Variants in ALLC observed in about 807,000 individuals in gnomAD.
ALLC encodes the protein allantoicase, also known as probable inactive allantoicase.
Under a neutral mutation model 45.0 loss-of-function variants are expected in ALLC, and 40 were observed. The observed-to-expected ratio is 0.89, with a 90% confidence interval of 0.69 to 1.16. The LOEUF (loss-of-function observed/expected upper bound fraction) is 1.16, where lower values mean the gene tolerates loss of function less well. Among genes scored for constraint, ALLC ranks in the 50% most tolerant of loss-of-function variants. The probability of loss-of-function intolerance (pLI) is 0.00; values close to 1 mark genes in which losing one functional copy is unlikely to be tolerated. For synonymous variants in ALLC, 176 were observed against 178.1 expected, an observed-to-expected ratio of 0.99 and a Z score of 0.09; for missense variants, 488 against 493.1, an observed-to-expected ratio of 0.99 and a Z score of 0.10.
At chr2:3,671,037 C>T (rs577140234) in intron 1 of ALLC, 59 bp from the exon 2 acceptor site, 19 of 963,698 alleles carry the variant, frequency 2.0e-5, no homozygotes, top group Admixed American at 1.0e-4. Flanking sequence ...GGAGCCTAGA[C>T]GGGGCCTCAC....
At chr2:3,664,552 T>A (rs1260823227) in intron 1 of ALLC, among the ~76,000 whole-genome samples, 1 of 152,024 alleles carries the variant, frequency 6.6e-6, no homozygotes, top group African/African-American at 2.4e-5. Flanking sequence ...CTATGGAGAA[T>A]TTTTCACCCC....
chr2:3,671,608 G>A (rs1240251275), intron 2 of ALLC, among the ~76,000 whole-genome samples: 5 of 128,694 alleles, frequency 3.9e-5, no homozygotes, highest in Non-Finnish European at 5.2e-5. Context: ...TAGATGGGAG[G>A]TCCTCTGGCT....
Position 3,687,565 on chromosome 2 carries a change from C to T in ALLC, c.511+4491C>T, listed in dbSNP as rs940791055. Reference sequence around the variant, plus strand: ...AATTCAGCAGGGAAGCCATTAGGTCCTGGAATTTTCTTTAATGGGAGACTT... The same window carrying T: ...AATTCAGCAGGGAAGCCATTAGGTCTTGGAATTTTCTTTAATGGGAGACTT... On this transcript the variant is annotated intron_variant, in intron 7 of 11. Coordinates refer to ENST00000252505, the MANE Select transcript of ALLC (RefSeq NM_018436.4). 6.6e-5 allele frequency among the ~76,000 whole-genome samples: 10 copies of T among 150,834 alleles called. 1 individual carries two copies. The highest frequency in any genetic ancestry group is 2.0e-4 in the Admixed American group (3 of 15,080).
the ALLC span, among the ~76,000 whole-genome samples, chr2:3,651,135 GAC>G: frequency 0.025 from 3,795 of 152,186 alleles, 167 homozygotes; most frequent in African/African-American, 0.087. Flanking sequence ...GATGAGCGCA[GAC>G]ACACAGCCTG....
chr2:3,694,156 G>T (rs1176385195), intron 7 of ALLC, among the ~76,000 whole-genome samples: 2 of 152,166 alleles, frequency 1.3e-5, no homozygotes, highest in Non-Finnish European at 2.9e-5. Flanking sequence ...TTGAGGGAGG[G>T]TCTAAAATAG....
chr2:3,680,484 C>G lies in ALLC; in HGVS notation c.298+490C>G, dbSNP rs1177056964. 6.6e-6 allele frequency among the ~76,000 whole-genome samples: 1 copy of G among 152,052 alleles called. No homozygotes were observed. The highest frequency in any genetic ancestry group is 1.5e-5 in the Non-Finnish European group (1 of 68,044). Reference sequence around the variant, plus strand: ...ATGCTGGACCTATGAATCCTGCAGGCTCTATAAATGAGACGTATTCTGTGA... The same window carrying G: ...ATGCTGGACCTATGAATCCTGCAGGGTCTATAAATGAGACGTATTCTGTGA... On this transcript the variant is annotated intron_variant, in intron 5 of 11. Coordinates refer to ENST00000252505, the MANE Select transcript of ALLC (RefSeq NM_018436.4). This position sits in a 1 kb window ranked among gnomAD's most constrained non-coding sequence, Gnocchi z 4.0.
intron 1 of ALLC, among the ~76,000 whole-genome samples, chr2:3,670,821 C>T (rs1349470829): frequency 1.4e-5 from 2 of 144,418 alleles, no homozygotes; most frequent in South Asian, 2.2e-4. Context: ...CATTTTGTGG[C>T]GATAGGGTTT....
intron 7 of ALLC, chr2:3,695,321 G>A (rs534688624): frequency 1.4e-4 from 31 of 222,446 alleles, no homozygotes; most frequent in Middle Eastern, 1.7e-3. Context: ...ACTGATTTTA[G>A]CAGGAACTTA....
At chr2:3,651,577 C>G in the ALLC span, among the ~76,000 whole-genome samples, 1 of 151,878 alleles carries the variant, frequency 6.6e-6, no homozygotes, top group African/African-American at 2.4e-5. Flanking sequence ...GTGGCACCCA[C>G]GTTGTGTCCC....
intron 3 of ALLC, among the ~76,000 whole-genome samples, chr2:3,678,099 A>G (rs1016716608): frequency 2.0e-5 from 3 of 152,166 alleles, no homozygotes; most frequent in African/African-American, 7.2e-5. Flanking sequence ...TTCCTGATTG[A>G]ATAGTCTACC....
At chr2:3,654,705 G>A (rs536525152), upstream of ALLC, among the ~76,000 whole-genome samples, 12 of 152,362 alleles carry the variant, frequency 7.9e-5, no homozygotes, top group Admixed American at 5.2e-4. Flanking sequence ...TGCAGGAAAC[G>A]TGACTGTCTT....
chr2:3,646,137 CCCT>C, the ALLC span, among the ~76,000 whole-genome samples: 2 of 152,170 alleles, frequency 1.3e-5, no homozygotes, highest in African/African-American at 4.8e-5. Flanking sequence ...GATGATGTCT[CCCT>C]CCAGGAAAGA....
At chr2:3,666,338 T>C (rs911169207) in intron 1 of ALLC, among the ~76,000 whole-genome samples, 1 of 152,208 alleles carries the variant, frequency 6.6e-6, no homozygotes, top group Non-Finnish European at 1.5e-5. Context: ...TGTAGTGACT[T>C]AGCGTATCAC....
intron 3 of ALLC, among the ~76,000 whole-genome samples, chr2:3,677,679 C>T (rs56047256): frequency 0.096 from 14,562 of 152,106 alleles, 845 homozygotes; most frequent in African/African-American, 0.15. Context: ...CCCTGGTTGG[C>T]GTCTCATGCA....
At chr2:3,690,246 CCCCTTCCCTTCCCTT>C (rs1558545606) in intron 7 of ALLC, among the ~76,000 whole-genome samples, 5 of 68,434 alleles carry the variant, frequency 7.3e-5, no homozygotes, top group Admixed American at 1.7e-4. Flanking sequence ...CTGATCCCCT[CCCCTTCCCTTCCCTT>C]CCCTCCCCCC....
At chr2:3,650,830 A>G in the ALLC span, among the ~76,000 whole-genome samples, 3 of 152,210 alleles carry the variant, frequency 2.0e-5, no homozygotes, top group African/African-American at 7.2e-5. Flanking sequence ...GTGAAGGCGC[A>G]CGGGGCCTTT....
At chr2:3,671,293 C>A in intron 2 of ALLC, 103 bp downstream of exon 2, 1 of 1,384,104 alleles carries the variant, frequency 7.2e-7, no homozygotes, top group Non-Finnish European at 1.0e-6. Flanking sequence ...AAGAATCAGG[C>A]TGAAGTGTTG....
chr2:3,674,417 G>C (rs1666969233), intron 3 of ALLC, among the ~76,000 whole-genome samples: 1 of 152,180 alleles, frequency 6.6e-6, no homozygotes, highest in African/African-American at 2.4e-5. Flanking sequence ...GTGTTGGGAA[G>C]AAAATGGATC....
At chr2:3,661,563 A>C (rs1403194477) in intron 1 of ALLC, among the ~76,000 whole-genome samples, 1 of 152,202 alleles carries the variant, frequency 6.6e-6, no homozygotes, top group Non-Finnish European at 1.5e-5. Flanking sequence ...CCTGGAATTC[A>C]GGTTAAGTGT....
Sources: allele counts gnomAD v4.1 joint callset (sites outside exome capture counted in the v4.1 genomes callset), GRCh38; gene constraint gnomAD v4.1.1; non-coding constraint Gnocchi (gnomAD v3.1); transcripts MANE v1.5; gene names NCBI Gene and HGNC (gene_info 2026-07-23, HGNC 2026-07-21).